NDST4: variants seen among roughly 807,000 people sequenced by gnomAD.
NDST4 encodes N-deacetylase and N-sulfotransferase 4, also known as N-heparan sulfate sulfotransferase 4.
In NDST4, 63 loss-of-function variants were observed where a neutral mutation model predicts 100.8. The observed-to-expected ratio is 0.62, with a 90% CI of 0.51 to 0.77. NDST4 has a LOEUF of 0.77. Among genes scored for constraint, NDST4 ranks in the 30% least tolerant of loss-of-function variants. The pLI is 0.00. For missense variants in NDST4, 943 were observed against 1,018.4 expected (o/e 0.93, Z 1.01); for synonymous variants, 377 against 361.8 (o/e 1.04, Z -0.48).
At chr4:114,979,771 A>T (rs1726724365) in intron 2 of NDST4, among the ~76,000 whole-genome samples, 1 of 152,106 alleles carries the variant, frequency 6.6e-6, no homozygotes, top group Admixed American at 6.6e-5. Flanking sequence ...AGAGCTATCT[A>T]GTCATGGCCT....
chr4:115,029,268 GATT>G (rs1217139955), intron 2 of NDST4, among the ~76,000 whole-genome samples: 1 of 152,114 alleles, frequency 6.6e-6, no homozygotes, highest in Non-Finnish European at 1.5e-5. Context: ...AGGGTGTGAA[GATT>G]GCCTTAGAGA....
chr4:115,043,068 C>T (rs1489911313), intron 2 of NDST4, among the ~76,000 whole-genome samples: 1 of 151,974 alleles, frequency 6.6e-6, no homozygotes, highest in Non-Finnish European at 1.5e-5. Flanking sequence ...ACTACACATG[C>T]TGCTTACATA....
At chr4:115,068,666 A>G (rs1729004016) in intron 2 of NDST4, among the ~76,000 whole-genome samples, 1 of 150,266 alleles carries the variant, frequency 6.7e-6, no homozygotes, top group Non-Finnish European at 1.5e-5. Flanking sequence ...AATACAAAAA[A>G]ATTAGCCGGG....
intron 2 of NDST4, among the ~76,000 whole-genome samples, chr4:115,065,378 T>C (rs999844045): frequency 4.6e-5 from 7 of 152,138 alleles, no homozygotes; most frequent in African/African-American, 1.7e-4. Context: ...GCCAAGCCCT[T>C]GTCGTTTAAA....
intron 2 of NDST4, among the ~76,000 whole-genome samples, chr4:115,013,109 ATATAGT>A (rs1386463549): frequency 1.3e-5 from 2 of 151,418 alleles, no homozygotes; most frequent in East Asian, 2.0e-4. Flanking sequence ...ATATATGAAG[ATATAGT>A]TAGAGAGAAT....
intron 8 of NDST4, among the ~76,000 whole-genome samples, chr4:114,850,772 T>A (rs1258865982): frequency 6.6e-6 from 1 of 152,210 alleles, no homozygotes; most frequent in South Asian, 2.1e-4. Flanking sequence ...TATGCTCTTA[T>A]AATTGTTGTG....
At chr4:115,095,076 C>T (rs990915982) in intron 1 of NDST4, among the ~76,000 whole-genome samples, 1 of 152,162 alleles carries the variant, frequency 6.6e-6, no homozygotes, top group African/African-American at 2.4e-5. Flanking sequence ...TCCAGCCCTT[C>T]TTTGCATGTT....
intron 2 of NDST4, among the ~76,000 whole-genome samples, chr4:115,005,055 C>T (rs1249084723): frequency 6.6e-6 from 1 of 152,048 alleles, no homozygotes; most frequent in Non-Finnish European, 1.5e-5. Flanking sequence ...ATTTTAATTT[C>T]TTATTAATTC....
intron 1 of NDST4, among the ~76,000 whole-genome samples, chr4:115,091,626 A>G (rs512349): frequency 0.52 from 79,140 of 151,864 alleles, 21,095 homozygotes; most frequent in Non-Finnish European, 0.56. Flanking sequence ...TAAAGTTGTC[A>G]CATTATGTGG....
intron 4 of NDST4, among the ~76,000 whole-genome samples, chr4:114,960,376 C>A (rs569039933): frequency 2.0e-5 from 3 of 151,342 alleles, no homozygotes; most frequent in Admixed American, 6.6e-5. Flanking sequence ...GGGAGGCCAA[C>A]GCGGGCAGAT....
At chr4:114,929,102 A>G (rs1479448589) in intron 6 of NDST4, among the ~76,000 whole-genome samples, 1 of 129,218 alleles carries the variant, frequency 7.7e-6, no homozygotes, top group South Asian at 2.4e-4. Flanking sequence ...CCATCCATCC[A>G]TCCATCCATC....
At chr4:115,099,224 T>C (rs1391315878) in intron 1 of NDST4, among the ~76,000 whole-genome samples, 4 of 152,140 alleles carry the variant, frequency 2.6e-5, no homozygotes, top group Non-Finnish European at 4.4e-5. Context: ...TATAAGACTC[T>C]TAGAAGATCA....
chr4:114,858,310 C>T (rs1391567543), intron 7 of NDST4, among the ~76,000 whole-genome samples: 14 of 152,326 alleles, frequency 9.2e-5, no homozygotes, highest in Admixed American at 5.2e-4. Context: ...TCTCTGCCCA[C>T]GTAGCCCTGG....
chr4:115,063,733 C>T (rs978015151), intron 2 of NDST4, among the ~76,000 whole-genome samples: 1 of 151,778 alleles, frequency 6.6e-6, no homozygotes, highest in African/African-American at 2.4e-5. Flanking sequence ...GTGGACTTCC[C>T]CCAGGGCTTT....
chr4:114,881,620 G>A (rs1371579786), intron 6 of NDST4, among the ~76,000 whole-genome samples: 11 of 152,004 alleles, frequency 7.2e-5, no homozygotes, highest in Admixed American at 7.2e-4. Context: ...CTCTTCTCCA[G>A]CAGTACACCA....
intron 2 of NDST4, among the ~76,000 whole-genome samples, chr4:115,040,833 T>C (rs1728333346): frequency 6.6e-6 from 1 of 151,988 alleles, no homozygotes; most frequent in Non-Finnish European, 1.5e-5. Flanking sequence ...ACGTCTGCAA[T>C]AGGTTTATCT....
intron 3 of NDST4, among the ~76,000 whole-genome samples, chr4:114,973,380 G>A (rs1389813389): frequency 6.6e-6 from 1 of 151,280 alleles, no homozygotes. Flanking sequence ...TAAATTATAT[G>A]TGGAAATATC....
At chr4:115,021,141 C>T (rs1727803293) in intron 2 of NDST4, among the ~76,000 whole-genome samples, 1 of 151,744 alleles carries the variant, frequency 6.6e-6, no homozygotes, top group South Asian at 2.1e-4. Flanking sequence ...TTCGCAGTTG[C>T]AAATGTTGAA....
rs192011287 is a variant in NDST4 at position 114,890,066 on chromosome 4, T to C, written c.1537-19116A>G. 3.3e-5 allele frequency among the ~76,000 whole-genome samples: 5 copies of C among 152,242 alleles called. No homozygotes were observed. In the East Asian group the frequency reaches 9.6e-4, roughly 29 times the overall value. On this transcript the variant is annotated intron_variant, in intron 6 of 13. Transcript: ENST00000264363. ...TCCAAATTTTTATTTTACCCATGGA[T>C]AGGTATTTTCATTATTTTAATGCAT...
Sources: allele counts gnomAD v4.1 joint callset (sites outside exome capture counted in the v4.1 genomes callset), GRCh38; gene constraint gnomAD v4.1.1; transcripts MANE v1.5; gene names NCBI Gene and HGNC (gene_info 2026-07-23, HGNC 2026-07-21).